OLAH: variants seen among roughly 807,000 people sequenced by gnomAD.
OLAH encodes oleoyl-ACP hydrolase.
Under a neutral mutation model 27.8 loss-of-function variants are expected in OLAH, and 33 were observed. The observed-to-expected ratio is 1.19, with a 90% CI of 0.90 to 1.59. The LOEUF is 1.59. OLAH is among the 40% of genes most tolerant of loss of function. The pLI is 0.00. For missense variants in OLAH, 359 were observed against 310.8 expected, an observed-to-expected ratio of 1.16 and a Z score of -1.17; for synonymous variants, 120 against 102.9, an observed-to-expected ratio of 1.17 and a Z score of -1.01.
chr10:15,065,804 A>C, intron 6 of OLAH, 51 bp downstream of exon 6: 4 of 1,518,348 alleles, frequency 2.6e-6, no homozygotes, highest in East Asian at 2.3e-5. Flanking sequence ...TTATTTGTAG[A>C]AAAACATAGA....
At chr10:15,043,874 T>C (rs1843965654), upstream of OLAH, 1 of 152,246 alleles carries the variant, frequency 6.6e-6, no homozygotes, top group Non-Finnish European at 1.5e-5. Context: ...TTTTCATTGT[T>C]CTTTCATAAT....
chr10:15,040,855 T>C (rs1843908684), upstream of OLAH, among the ~76,000 whole-genome samples: 1 of 152,196 alleles, frequency 6.6e-6, no homozygotes, highest in South Asian at 2.1e-4. Context: ...TCTAGGACTT[T>C]GCTCCATCTC....
intron 1 of OLAH, among the ~76,000 whole-genome samples, chr10:15,037,157 A>T (rs1843853084): frequency 7.6e-6 from 1 of 131,562 alleles, no homozygotes; most frequent in African/African-American, 2.6e-5. Flanking sequence ...ACATAACATT[A>T]AAAAAAAAAA....
rs1564532623 is a variant in OLAH, at chr10:15,061,800, T to C, written c.240T>C (p.Asp80=). 6.2e-7 allele frequency: 1 copy of C among 1,613,932 alleles called. No individual in the cohort carries two copies. Among genetic ancestry groups the C allele is most frequent in the South Asian group, 1.1e-5 (1 of 91,034 alleles). ...PLENDISQLV[D]EVVCALQPVI... The stretch of plus-strand genomic sequence containing the variant: ...AAAATGACATCTCCCAGTTAGTTGA[T>C]GAAGTTGTTTGTGCTCTGCAGCCAG... Residue 80 remains aspartate, a synonymous_variant, in exon 4 of 8, where the codon GAT becomes GAC. Coordinates refer to ENST00000378228, the MANE Select transcript of OLAH (RefSeq NM_001039702.3).
intron 3 of OLAH, among the ~76,000 whole-genome samples, chr10:15,057,212 T>C (rs1844262968): frequency 3.3e-5 from 5 of 152,162 alleles, no homozygotes; most frequent in Admixed American, 3.3e-4. Context: ...CTAAAGTATT[T>C]TGTCATATTT....
upstream of OLAH, among the ~76,000 whole-genome samples, chr10:15,040,651 C>T (rs762150416): frequency 1.3e-5 from 2 of 151,626 alleles, no homozygotes; most frequent in Non-Finnish European, 2.9e-5. Flanking sequence ...TAGCAATAAC[C>T]GCTACCCCGT....
chr10:15,033,983 G>A (rs1433998332), intron 1 of OLAH, among the ~76,000 whole-genome samples: 4 of 152,090 alleles, frequency 2.6e-5, no homozygotes, highest in African/African-American at 9.7e-5. Context: ...AGGGAAAAGA[G>A]ACTGATGGGT....
At chr10:15,037,556 G>A (rs376362892) in intron 1 of OLAH, among the ~76,000 whole-genome samples, 2 of 150,928 alleles carry the variant, frequency 1.3e-5, no homozygotes, top group Admixed American at 6.6e-5. Flanking sequence ...ACGCCAGGCT[G>A]GGTGACAGAG....
intron 6 of OLAH, 170 bp from the exon 7 acceptor site, chr10:15,071,625 C>G: frequency 9.1e-6 from 9 of 983,826 alleles, no homozygotes; most frequent in Non-Finnish European, 1.1e-5. Flanking sequence ...CACTGAGTCT[C>G]AGGCAGGCTT....
intron 4 of OLAH, 79 bp downstream of exon 4, chr10:15,061,941 T>G: frequency 7.2e-7 from 1 of 1,381,538 alleles, no homozygotes; most frequent in Non-Finnish European, 1.0e-6. Context: ...TCTTTGTGTT[T>G]TGTAAGATGC....
At chr10:15,036,940 A>C (rs1375913838) in intron 1 of OLAH, among the ~76,000 whole-genome samples, 1 of 151,916 alleles carries the variant, frequency 6.6e-6, no homozygotes, top group Non-Finnish European at 1.5e-5. Context: ...TTAGCCAAGC[A>C]TGGTGGTGCA....
chr10:15,037,343 G>A (rs1478859136), intron 1 of OLAH, among the ~76,000 whole-genome samples: 1 of 152,058 alleles, frequency 6.6e-6, no homozygotes, highest in Non-Finnish European at 1.5e-5. Flanking sequence ...CTCTTTGGGA[G>A]GCTAAGGCAG....
intron 3 of OLAH, among the ~76,000 whole-genome samples, chr10:15,056,364 A>G (rs941464468): frequency 5.3e-5 from 8 of 152,150 alleles, no homozygotes; most frequent in Non-Finnish European, 8.8e-5. Context: ...ATCTTCAACT[A>G]CAAGAAATAT....
intron 4 of OLAH, among the ~76,000 whole-genome samples, chr10:15,062,281 T>C (rs1452739384): frequency 2.6e-5 from 4 of 152,140 alleles, no homozygotes; most frequent in African/African-American, 4.8e-5. Flanking sequence ...AAGGGTACAA[T>C]AACAATAGTT....
At chr10:15,057,584 C>T (rs118159778) in intron 3 of OLAH, among the ~76,000 whole-genome samples, 2,234 of 151,966 alleles carry the variant, frequency 0.015, 30 homozygotes, top group Non-Finnish European at 0.021. Context: ...TGTGGTTTTG[C>T]CATGTTAGTC....
chr10:15,049,589 T>A, intron 2 of OLAH, 46 bp from the exon 3 acceptor site: 1 of 1,272,018 alleles, frequency 7.9e-7, no homozygotes, highest in Non-Finnish European at 1.1e-6. Flanking sequence ...TATAGGGAAC[T>A]TAATTGATAT....
chr10:15,070,496 T>C (rs1844562671), intron 6 of OLAH, among the ~76,000 whole-genome samples: 1 of 152,228 alleles, frequency 6.6e-6, no homozygotes, highest in East Asian at 1.9e-4. Context: ...TTTTGCTTTG[T>C]TCTTTGAGAT....
intron 3 of OLAH, among the ~76,000 whole-genome samples, chr10:15,052,412 C>T (rs115362973): frequency 9.3e-4 from 141 of 152,318 alleles, no homozygotes; most frequent in African/African-American, 3.2e-3. Flanking sequence ...TCTAAGACTG[C>T]TTTGATACTG....
chr10:15,068,540 G>A (rs951910172), intron 6 of OLAH, among the ~76,000 whole-genome samples: 2 of 151,902 alleles, frequency 1.3e-5, no homozygotes, highest in Admixed American at 6.6e-5. Context: ...TTACAGACAC[G>A]TGCCCCCACA....
Sources: allele counts gnomAD v4.1 joint callset (sites outside exome capture counted in the v4.1 genomes callset), GRCh38; gene constraint gnomAD v4.1.1; transcripts MANE v1.5; gene names NCBI Gene and HGNC (gene_info 2026-07-23, HGNC 2026-07-21).